Variants in GSAP observed in about 807,000 individuals in gnomAD.
The protein encoded by GSAP is gamma-secretase-activating protein.
Under a neutral mutation model 131.7 loss-of-function variants are expected in GSAP, and 118 were observed. The ratio of observed to expected loss-of-function variants is 0.90; its 90% CI spans 0.77 to 1.04. The LOEUF (loss-of-function observed/expected upper bound fraction) is 1.04. GSAP is among the 50% of genes least tolerant of loss of function. The pLI is 0.00. For missense variants in GSAP, 1,019 were observed against 1,013.2 expected, an observed-to-expected ratio of 1.01 and a Z score of -0.08; for synonymous variants, 381 against 363.4, an observed-to-expected ratio of 1.05 and a Z score of -0.55.
At chr7:77,320,903 T>G in intron 25 of GSAP, 84 bp from the exon 26 acceptor site, 1 of 800,070 alleles carries the variant, frequency 1.2e-6, no homozygotes, top group Non-Finnish European at 2.2e-6. Context: ...CTTTGAGTAC[T>G]ACACAAGGGT....
chr7:77,411,074 G>T (rs1803180348), intron 1 of GSAP, among the ~76,000 whole-genome samples: 1 of 95,886 alleles, frequency 1.0e-5, no homozygotes, highest in South Asian at 3.0e-4. Flanking sequence ...AAAGTAAAAA[G>T]GACAGATAGT....
rs1256541859 is a variant in GSAP, at chr7:77,314,364, T to C, written c.2209+6A>G. 3 of 1,613,484 alleles carry C rather than the reference T, an allele frequency of 1.9e-6. No individual in the cohort carries two copies. The African/African-American group carries it at 4.0e-5, about 22-fold the overall frequency. The stretch of plus-strand genomic sequence containing the variant: ...CTAGCACTCTGGCAAACTCAGGGCT[T>C]CTTACCTTTCATGAGCCTTATGACA... On this transcript the variant is annotated splice_donor_region_variant and intron_variant, in intron 27 of 30. Coordinates refer to ENST00000257626, the MANE Select transcript of GSAP (RefSeq NM_017439.4).
intron 1 of GSAP, among the ~76,000 whole-genome samples, chr7:77,409,932 G>A (rs1802980718): frequency 6.6e-6 from 1 of 152,102 alleles, no homozygotes; most frequent in Admixed American, 6.6e-5. Context: ...CATTAAGGGA[G>A]CTTTTAAAAG....
chr7:77,402,336 A>G (rs1801446187), intron 3 of GSAP, among the ~76,000 whole-genome samples: 1 of 149,534 alleles, frequency 6.7e-6, no homozygotes, highest in South Asian at 2.1e-4. Flanking sequence ...CACGAGGTCA[A>G]GAGATTGAGA....
At chr7:77,403,398 T>A (rs1157617833) in intron 3 of GSAP, among the ~76,000 whole-genome samples, 1 of 151,946 alleles carries the variant, frequency 6.6e-6, no homozygotes, top group East Asian at 1.9e-4. Flanking sequence ...CCCTGAAGAG[T>A]AAGGTGACCT....
chr7:77,374,949 A>T, intron 11 of GSAP, 109 bp downstream of exon 11: 1 of 550,186 alleles, frequency 1.8e-6, no homozygotes, highest in East Asian at 3.2e-5. Flanking sequence ...AAAGATGCAC[A>T]CAGAATATCA....
intron 22 of GSAP, 172 bp from the exon 23 acceptor site, chr7:77,326,445 A>G: frequency 1.9e-6 from 1 of 524,970 alleles, no homozygotes; most frequent in Middle Eastern, 2.8e-4. Flanking sequence ...AACTTATCAG[A>G]GCTGTGTGAA....
chr7:77,325,812 T>A (rs1212882998), intron 23 of GSAP, among the ~76,000 whole-genome samples: 1 of 152,040 alleles, frequency 6.6e-6, no homozygotes, highest in East Asian at 1.9e-4. Flanking sequence ...TTCAGGTGAT[T>A]CGCCCACCTT....
intron 8 of GSAP, chr7:77,379,717 T>G (rs187218579): frequency 4.8e-6 from 1 of 206,936 alleles, no homozygotes; most frequent in Admixed American, 6.5e-5. Context: ...AGCCTTGATC[T>G]TTCCTCTTGG....
intron 19 of GSAP, among the ~76,000 whole-genome samples, chr7:77,347,987 C>CAA (rs34156549): frequency 2.9e-4 from 34 of 118,804 alleles, no homozygotes; most frequent in Middle Eastern, 4.5e-3. Context: ...CCCATCTCTA[C>CAA]AAAAAAAAAA....
chr7:77,360,816 T>A lies in GSAP; in HGVS notation c.1027+8A>T. On this transcript the variant is annotated splice_region_variant and intron_variant, in intron 14 of 30. Coordinates refer to ENST00000257626, the MANE Select transcript of GSAP (RefSeq NM_017439.4). ...CAGAGCAGGGGGTGTGATCTCTCCA[T>A]CACTCACCAAGGTTGAGAAAAGTAA... 6.7e-7 allele frequency: 1 copy of A among 1,482,168 alleles called. No homozygotes were observed. The highest frequency in any genetic ancestry group is 9.4e-7 in the Non-Finnish European group (1 of 1,060,750). 91.8% of individuals were successfully genotyped at this position (1,482,168 alleles called of 1,614,324 possible).
intron 5 of GSAP, among the ~76,000 whole-genome samples, chr7:77,390,742 T>C (rs979384537): frequency 6.6e-6 from 1 of 151,436 alleles, no homozygotes. Flanking sequence ...ACCCTAAAAC[T>C]TGAAGTATAA....
At chr7:77,359,679 C>T (rs1339438360) in intron 14 of GSAP, among the ~76,000 whole-genome samples, 1 of 152,152 alleles carries the variant, frequency 6.6e-6, no homozygotes, top group Non-Finnish European at 1.5e-5. Flanking sequence ...TTTTACAAAG[C>T]TTATATTTCT....
At chr7:77,396,001 GA>G (rs1241804857) in intron 5 of GSAP, among the ~76,000 whole-genome samples, 1 of 152,136 alleles carries the variant, frequency 6.6e-6, no homozygotes, top group Non-Finnish European at 1.5e-5. Flanking sequence ...TCCCAAGTAC[GA>G]TTTTTAAATA....
Position 77,311,307 on chromosome 7 carries a change from T to C in GSAP, c.*51A>G. Reference sequence around the variant, plus strand: ...TTAAAGAATTCTCAAAGGAGTAAGGTTAATGAGCAAGATTAAAATGGCAGC... The same window carrying C: ...TTAAAGAATTCTCAAAGGAGTAAGGCTAATGAGCAAGATTAAAATGGCAGC... On this transcript the variant is annotated 3_prime_UTR_variant, in exon 31 of 31. Transcript: ENST00000257626. The C allele has an allele frequency of 9.8e-7, 1 of 1,018,414 alleles. No homozygotes were observed. Among genetic ancestry groups the C allele is most frequent in the Non-Finnish European group, 1.6e-6 (1 of 639,550 alleles). 63.1% of individuals were successfully genotyped at this position (1,018,414 alleles called of 1,614,324 possible). A position where few individuals can be genotyped will look rare whatever the true frequency, so the allele number is the denominator to read the frequency against.
intron 3 of GSAP, among the ~76,000 whole-genome samples, chr7:77,404,270 C>T (rs1166165349): frequency 6.6e-6 from 1 of 152,174 alleles, no homozygotes; most frequent in Non-Finnish European, 1.5e-5. Context: ...TTTCCCACAC[C>T]GATGAGATCT....
In GSAP at chr7:77,355,598, A is replaced by C. The variant is rs779226271; in HGVS notation, c.1077T>G (p.Asn359Lys). Residue 359 changes from asparagine to lysine, a missense_variant, in exon 15 of 31, where the codon AAT becomes AAG. Coordinates refer to ENST00000257626, the MANE Select transcript of GSAP (RefSeq NM_017439.4). ...YLPGHFFHLL[N>K]VQHPDLICHN... ...GGCAGATCAGGTCTGGATGTTGAAC[A>C]TTAAGTAGGTGGAAGAAATGACCAG... 6 of 1,610,964 alleles carry C rather than the reference A, an allele frequency of 3.7e-6. No individual in the cohort carries two copies. Among genetic ancestry groups the C allele is most frequent in the Non-Finnish European group, 4.2e-6 (5 of 1,177,244 alleles).
chr7:77,323,795 A>T, intron 23 of GSAP, 53 bp from the exon 24 acceptor site: 1 of 765,296 alleles, frequency 1.3e-6, no homozygotes, highest in Non-Finnish European at 2.2e-6. Flanking sequence ...TCATACCTGC[A>T]ACTGGTTTGA....
At chr7:77,344,082 G>A (rs997338654) in intron 19 of GSAP, among the ~76,000 whole-genome samples, 8 of 152,158 alleles carry the variant, frequency 5.3e-5, no homozygotes, top group South Asian at 2.1e-4. Context: ...TTCACTGGAT[G>A]GGTAGAGGAC....
Sources: gnomAD v4.1 joint callset for allele counts (sites outside exome capture counted in the v4.1 genomes callset) on GRCh38, gnomAD v4.1.1 for gene constraint, MANE v1.5 for transcripts, NCBI Gene and HGNC (gene_info 2026-07-23, HGNC 2026-07-21) for gene names.